ANGPT4: variants seen among roughly 807,000 people sequenced by gnomAD.
ANGPT4 encodes angiopoietin 4.
In ANGPT4, 50 loss-of-function variants were observed where a neutral mutation model predicts 53.0. The ratio of observed to expected loss-of-function variants is 0.94; its 90% CI spans 0.75 to 1.20. The LOEUF (loss-of-function observed/expected upper bound fraction) is 1.20, where lower values mean the gene tolerates loss of function less well. Ranked by LOEUF, ANGPT4 falls within the 50% of genes most tolerant of loss-of-function variation. The pLI, the probability that ANGPT4 is intolerant of heterozygous loss-of-function variation, is 0.00. For synonymous variants in ANGPT4, 251 were observed against 259.7 expected (o/e 0.97, Z 0.32); for missense variants, 648 against 637.1 (o/e 1.02, Z -0.18).
At position 889,509 on chromosome 20, in the gene ANGPT4, AG is replaced by A. The variant is rs574117246; in HGVS notation, c.465+703del. ...GTGTATGCATATCTAAACACAGAAA[AG>A]GTACAATAAAAACAGCATACGATAC... On this transcript the variant is annotated intron_variant, in intron 2 of 8. Transcript: ENST00000381922. Among the ~76,000 whole-genome samples the A allele has an allele frequency of 2.7e-3, 410 of 152,328 alleles. 2 individuals are homozygous for A. Among genetic ancestry groups the A allele is most frequent in the African/African-American group, 9.6e-3 (399 of 41,588 alleles).
intron 1 of ANGPT4, among the ~76,000 whole-genome samples, chr20:904,814 G>C (rs1485672577): frequency 6.6e-6 from 1 of 152,074 alleles, no homozygotes. Flanking sequence ...TTTTTTTGTA[G>C]AGACCAGGGT....
At chr20:878,125 C>T (rs1231560331) in intron 7 of ANGPT4, 36 bp downstream of exon 7, 2 of 1,565,086 alleles carry the variant, frequency 1.3e-6, no homozygotes, top group African/African-American at 1.3e-5. Context: ...TAGCTGAAGA[C>T]CCCAGCCCCC....
Position 888,355 on chromosome 20 carries a change from G to A in ANGPT4, c.550C>T (p.Gln184Ter), listed in dbSNP as rs779810810. The change falls in exon 3 of 9, where the codon CAG becomes TAG. Residue 184 changes from glutamine to a stop codon, truncating the protein, a stop_gained. Transcript: ENST00000381922. LOFTEE classifies it high-confidence loss of function. ...TGAAGCTGCTGGAGCTTCTGCCTCT[G>A]TAGCAGCAGCTGGTTCTCCAGCTTG... is the stretch of plus-strand genomic sequence containing the variant. ...TNKLENQLLL[Q>*]RQKLQQLQGQ... 13 of 1,613,804 alleles carry A rather than the reference G, an allele frequency of 8.1e-6. No individual in the cohort carries two copies. The highest frequency in any genetic ancestry group is 3.3e-5 in the South Asian group (3 of 91,084).
At chr20:882,872 A>T (rs1009960217) in intron 4 of ANGPT4, among the ~76,000 whole-genome samples, 2 of 152,264 alleles carry the variant, frequency 1.3e-5, no homozygotes, top group African/African-American at 4.8e-5. Flanking sequence ...CCAAGGTGTC[A>T]TGTAATGCCA....
chr20:910,947 C>T (rs1480999231), intron 1 of ANGPT4, among the ~76,000 whole-genome samples: 1 of 152,000 alleles, frequency 6.6e-6, no homozygotes, highest in Non-Finnish European at 1.5e-5. Flanking sequence ...ATGCTGTTTC[C>T]CCCATCCCCC....
rs745326349 is a variant in ANGPT4, at chr20:881,192, G to A, written c.930C>T (p.Ser310=). Residue 310 remains serine (S), a synonymous_variant, in exon 5 of 9, where the codon TCC becomes TCT. Transcript: ENST00000381922. The part of the protein sequence containing the change: ...SASGVYTIQV[S]NATKPRKVFC... ...TAACCTTCCTGGGCTTCGTTGCATT[G>A]GACACCTGGATGGTGTAGACACCAC... The A allele has an allele frequency of 6.3e-7, 1 of 1,597,508 alleles. No individual in the cohort carries two copies. The highest frequency in any genetic ancestry group is 8.5e-7 in the Non-Finnish European group (1 of 1,171,680).
intron 3 of ANGPT4, among the ~76,000 whole-genome samples, chr20:887,656 T>G (rs1981667034): frequency 9.8e-6 from 1 of 102,054 alleles, no homozygotes; most frequent in South Asian, 3.2e-4. Flanking sequence ...TTTTTTTTTG[T>G]AATTTAAAGG....
chr20:903,608 A>G (rs1210317999), intron 1 of ANGPT4, among the ~76,000 whole-genome samples: 1 of 152,222 alleles, frequency 6.6e-6, no homozygotes, highest in East Asian at 1.9e-4. Flanking sequence ...GACTCCTTGC[A>G]GATTCCTTTA....
rs901410784 is a variant in ANGPT4, at chr20:911,669, G to A, written c.309+4237C>T. Among the ~76,000 whole-genome samples the A allele has an allele frequency of 1.3e-5, 2 of 152,126 alleles. No individual in the cohort carries two copies. Among genetic ancestry groups the A allele is most frequent in the African/African-American group, 4.8e-5 (2 of 41,430 alleles). ...CAGAGAGACTCAGAAATAGAGACAG[G>A]CTGACCACAGTGGCTCGTGTCCGCC... On this transcript the variant is annotated intron_variant, in intron 1 of 8. Coordinates refer to ENST00000381922, the MANE Select transcript of ANGPT4 (RefSeq NM_015985.4). The surrounding 1 kb of genome is among the most constrained non-coding windows in gnomAD (Gnocchi z 4.9).
intron 7 of ANGPT4, 144 bp downstream of exon 7, chr20:878,017 C>T: frequency 1.6e-5 from 15 of 936,782 alleles, no homozygotes; most frequent in Non-Finnish European, 2.2e-5. Flanking sequence ...ATGACGTGCA[C>T]CCAAATGGGG....
At chr20:884,207 C>T (rs937886883) in intron 4 of ANGPT4, among the ~76,000 whole-genome samples, 4 of 152,222 alleles carry the variant, frequency 2.6e-5, no homozygotes, top group South Asian at 2.1e-4. Context: ...AGGCTAAGAG[C>T]CCTTCTCCTT....
chr20:904,762 G>A (rs1322811867), intron 1 of ANGPT4, among the ~76,000 whole-genome samples: 1 of 152,116 alleles, frequency 6.6e-6, no homozygotes, highest in Non-Finnish European at 1.5e-5. Context: ...AAGTATCTGG[G>A]ACTATAGGCA....
chr20:912,669 G>A (rs1982751010), intron 1 of ANGPT4, among the ~76,000 whole-genome samples: 1 of 152,100 alleles, frequency 6.6e-6, no homozygotes, highest in South Asian at 2.1e-4. Flanking sequence ...GGGGAGTGCA[G>A]GGGAGGAGGA....
At chr20:888,223 C>T in intron 3 of ANGPT4, 95 bp downstream of exon 3, 1 of 1,482,740 alleles carries the variant, frequency 6.7e-7, no homozygotes, top group Non-Finnish European at 9.0e-7. Context: ...GGCTCCAGCC[C>T]CAGTCCTAGC....
intron 2 of ANGPT4, among the ~76,000 whole-genome samples, chr20:888,688 A>T (rs78693540): frequency 0.019 from 2,910 of 152,158 alleles, 99 homozygotes; most frequent in African/African-American, 0.067. Context: ...GGAGCTGTCA[A>T]CCCTGTCCCC....
chr20:897,947 A>G (rs944889197), intron 1 of ANGPT4, among the ~76,000 whole-genome samples: 3 of 152,156 alleles, frequency 2.0e-5, no homozygotes, highest in Non-Finnish European at 4.4e-5. Flanking sequence ...AGCACTTTTG[A>G]TTTCTCCATC....
At chr20:878,547 G>T (rs1568825054) in intron 6 of ANGPT4, among the ~76,000 whole-genome samples, 3 of 152,210 alleles carry the variant, frequency 2.0e-5, no homozygotes, top group African/African-American at 7.2e-5. Flanking sequence ...CCTGTTAAAA[G>T]TTATTGAAAT....
Position 885,063 on chromosome 20 carries a change from A to C in ANGPT4, c.835+15T>G. 6.2e-7 allele frequency: 1 copy of C among 1,613,346 alleles called. No individual in the cohort carries two copies. The highest frequency in any genetic ancestry group is 8.5e-7 in the Non-Finnish European group (1 of 1,179,850). On this transcript the variant is annotated intron_variant, in intron 4 of 8. Coordinates refer to ENST00000381922, the MANE Select transcript of ANGPT4 (RefSeq NM_015985.4). ...CCCGTCTTTAGCCACACTGGGGCGC[A>C]CACCGCTCACTCACCCGGGGCCGAG... is the stretch of plus-strand genomic sequence containing the variant.
rs1364233466 is a variant in ANGPT4 at position 879,798 on chromosome 20, G to A, written c.1002C>T (p.Arg334=). The A allele has an allele frequency of 4.3e-6, 7 of 1,613,758 alleles. No individual in the cohort carries two copies. The East Asian group carries it at 1.3e-4, about 31-fold the overall frequency. The change falls in exon 6 of 9, where the codon CGC becomes CGT. Residue 334 remains arginine, a synonymous_variant. Coordinates refer to ENST00000381922, the MANE Select transcript of ANGPT4 (RefSeq NM_015985.4). ...SSGGRWTLIQ[R]RENGTVNFQR... ...GAAAATTCACGGTGCCATTCTCACG[G>A]CGCTGGATGAGGGTCCACCTGCCTC...
Sources: gnomAD v4.1 joint callset for allele counts (sites outside exome capture counted in the v4.1 genomes callset) on GRCh38, gnomAD v4.1.1 for gene constraint, Gnocchi (gnomAD v3.1) non-coding constraint, MANE v1.5 for transcripts, NCBI Gene and HGNC (gene_info 2026-07-23, HGNC 2026-07-21) for gene names.